Variants in RBFOX1 observed in about 807,000 individuals in gnomAD.
RBFOX1 encodes RNA binding protein fox-1 homolog 1.
RBFOX1 carries 8 observed loss-of-function variants against 57.7 expected under a neutral mutation model. The ratio of observed to expected loss-of-function variants is 0.14; its 90% confidence interval spans 0.08 to 0.25. The LOEUF (loss-of-function observed/expected upper bound fraction) is 0.25, where lower values mean the gene tolerates loss of function less well. Among genes scored for constraint, RBFOX1 ranks in the 10% least tolerant of loss-of-function variants. The probability of loss-of-function intolerance (pLI) is 1.00; values close to 1 mark genes in which losing one functional copy is unlikely to be tolerated. For missense variants in RBFOX1, 611 were observed against 548.5 expected, an observed-to-expected ratio of 1.11 and a Z score of -1.14; for synonymous variants, 326 against 222.4, an observed-to-expected ratio of 1.47 and a Z score of -4.15.
intron 1 of RBFOX1, among the ~76,000 whole-genome samples, chr16:5,372,328 C>G (rs1210248149): frequency 2.0e-5 from 3 of 152,184 alleles, no homozygotes; most frequent in African/African-American, 7.2e-5. Context: ...CTTCAATACC[C>G]ACCTCTTTCT....
At chr16:6,307,337 C>G (rs973848984) in intron 1 of RBFOX1, among the ~76,000 whole-genome samples, 1 of 151,822 alleles carries the variant, frequency 6.6e-6, no homozygotes, top group Non-Finnish European at 1.5e-5. Flanking sequence ...GAGCCAAGAT[C>G]GCGCACTGCA....
intron 4 of RBFOX1, among the ~76,000 whole-genome samples, chr16:7,219,673 C>T (rs538104818): frequency 4.7e-4 from 72 of 152,246 alleles, no homozygotes; most frequent in African/African-American, 1.7e-3. Flanking sequence ...GGCTCCTCTG[C>T]CGTATAGATC....
intron 1 of RBFOX1, among the ~76,000 whole-genome samples, chr16:6,168,585 G>T (rs534025979): frequency 2.0e-5 from 3 of 152,274 alleles, no homozygotes; most frequent in African/African-American, 7.2e-5. Flanking sequence ...TCAGATAACA[G>T]ATAATCAATA....
chr16:6,371,678 C>A (rs576422179), intron 2 of RBFOX1, among the ~76,000 whole-genome samples: 39 of 152,178 alleles, frequency 2.6e-4, no homozygotes, highest in African/African-American at 8.9e-4. Flanking sequence ...TGTTTAGAAA[C>A]AAAGTTCTGG....
At chr16:5,848,127 G>A (rs935842429) in intron 3 of RBFOX1, among the ~76,000 whole-genome samples, 1 of 152,140 alleles carries the variant, frequency 6.6e-6, no homozygotes. Context: ...TCTGTGCTAA[G>A]TGAAAATGGC....
chr16:6,736,198 A>G (rs562750571), intron 3 of RBFOX1, among the ~76,000 whole-genome samples: 23 of 151,998 alleles, frequency 1.5e-4, no homozygotes, highest in Non-Finnish European at 2.8e-4. Flanking sequence ...ATTTTTCCAT[A>G]AGTTATTGGG....
intron 3 of RBFOX1, among the ~76,000 whole-genome samples, chr16:6,830,340 T>G (rs559427018): frequency 6.6e-6 from 1 of 152,346 alleles, no homozygotes; most frequent in South Asian, 2.1e-4. Flanking sequence ...TTCCTAACAT[T>G]GTTTCATAAG....
At chr16:6,828,512 G>C (rs2092413771) in intron 3 of RBFOX1, among the ~76,000 whole-genome samples, 1 of 151,114 alleles carries the variant, frequency 6.6e-6, no homozygotes, top group South Asian at 2.1e-4. Context: ...AACAGAGCGA[G>C]ACGTGTCTTT....
At chr16:6,728,380 T>G (rs982472673) in intron 3 of RBFOX1, among the ~76,000 whole-genome samples, 7 of 143,992 alleles carry the variant, frequency 4.9e-5, no homozygotes, top group Non-Finnish European at 1.1e-4. Context: ...CTTGTCGTTG[T>G]TTCTTCTTCT....
At chr16:6,898,099 G>A (rs1366513695) in intron 3 of RBFOX1, among the ~76,000 whole-genome samples, 2 of 152,180 alleles carry the variant, frequency 1.3e-5, no homozygotes, top group Non-Finnish European at 2.9e-5. Context: ...GAGGTGAACC[G>A]AGTAAATTCC....
At chr16:6,352,260 A>C (rs2086544599) in intron 2 of RBFOX1, among the ~76,000 whole-genome samples, 1 of 152,180 alleles carries the variant, frequency 6.6e-6, no homozygotes, top group Non-Finnish European at 1.5e-5. Flanking sequence ...CATCTAGTTT[A>C]TAAATGCTAT....
intron 3 of RBFOX1, among the ~76,000 whole-genome samples, chr16:5,607,690 C>T (rs1255643747): frequency 1.4e-4 from 22 of 152,194 alleles, no homozygotes; most frequent in Non-Finnish European, 2.8e-4. Context: ...AAGGCTCCCT[C>T]ATACTTCTCT....
At chr16:6,809,135 G>T (rs769756647) in intron 3 of RBFOX1, among the ~76,000 whole-genome samples, 2 of 152,180 alleles carry the variant, frequency 1.3e-5, no homozygotes, top group Non-Finnish European at 2.9e-5. Context: ...CAGTTCAGCT[G>T]TTTGTGTACC....
chr16:6,743,745 A>G (rs1342007375), intron 3 of RBFOX1, among the ~76,000 whole-genome samples: 1 of 151,756 alleles, frequency 6.6e-6, no homozygotes, highest in Non-Finnish European at 1.5e-5. Context: ...GGGCAAAGCA[A>G]CACCCTGTCT....
In RBFOX1 at chr16:5,381,017, G is replaced by T. The variant is rs577964446; in HGVS notation, c.220-86199G>T. Among the ~76,000 whole-genome samples, 542 of 152,316 alleles carry T rather than the reference G, an allele frequency of 3.6e-3. 2 individuals are homozygous for T. Among genetic ancestry groups the T allele is most frequent in the Non-Finnish European group, 5.8e-3 (392 of 68,024 alleles). On this transcript the variant is annotated intron_variant, in intron 1 of 2. Coordinates refer to the RBFOX1 transcript ENST00000585867. The stretch of plus-strand genomic sequence containing the variant: ...TTATCAATCAGTGGCGGAAAGCATG[G>T]CTTGAGCTTTGGAACTCCCTTGGAG...
intron 2 of RBFOX1, among the ~76,000 whole-genome samples, chr16:5,575,157 G>T (rs1479431547): frequency 1.3e-5 from 2 of 152,156 alleles, no homozygotes; most frequent in Non-Finnish European, 2.9e-5. Context: ...TTACAACTAT[G>T]ATGCTTCTGT....
At chr16:6,892,613 T>C (rs1012530398) in intron 3 of RBFOX1, among the ~76,000 whole-genome samples, 1 of 152,096 alleles carries the variant, frequency 6.6e-6, no homozygotes, top group African/African-American at 2.4e-5. Context: ...GAAGTTGCAG[T>C]AAGGCAAGAT....
chr16:7,579,722 G>C lies in RBFOX1; in HGVS notation c.271-55G>C, dbSNP rs2152835386. On this transcript the variant is annotated intron_variant, in intron 5 of 15. Coordinates refer to ENST00000550418, the MANE Select transcript of RBFOX1 (RefSeq NM_018723.4). ...ACTCATGGCAAGCAAAAGAGCATCG[G>C]AAGAGAGCACTGTGGTCCACTGAGA... The C allele has an allele frequency of 2.5e-6, 4 of 1,606,346 alleles. No homozygotes were observed. In the South Asian group the frequency reaches 3.3e-5, roughly 13 times the overall value.
intron 3 of RBFOX1, among the ~76,000 whole-genome samples, chr16:6,842,156 AAAT>A (rs1233676177): frequency 6.5e-5 from 5 of 76,910 alleles, no homozygotes; most frequent in African/African-American, 1.3e-4. Context: ...AAAAAATAAA[AAAT>A]AAATAAATAA....
Sources: gnomAD v4.1 joint callset for allele counts (sites outside exome capture counted in the v4.1 genomes callset) on GRCh38, gnomAD v4.1.1 for gene constraint, MANE v1.5 for transcripts, NCBI Gene and HGNC (gene_info 2026-07-23, HGNC 2026-07-21) for gene names.